RASA1: variants seen among roughly 807,000 people sequenced by gnomAD.
RASA1 encodes the protein RAS p21 protein activator 1, also known as ras GTPase-activating protein 1.
RASA1 carries 25 observed loss-of-function variants against 132.2 expected under a neutral mutation model. That is an observed-to-expected ratio of 0.19 (90% CI 0.14 to 0.26). The LOEUF (loss-of-function observed/expected upper bound fraction) is 0.26, where lower values mean the gene tolerates loss of function less well. Among genes scored for constraint, RASA1 ranks in the 10% least tolerant of loss-of-function variants. The pLI is 1.00. For synonymous variants in RASA1, 477 were observed against 449.9 expected, an observed-to-expected ratio of 1.06 and a Z score of -0.76; for missense variants, 964 against 1,299.2, an observed-to-expected ratio of 0.74 and a Z score of 3.97.
chr5:87,333,349 T>A lies in RASA1; in HGVS notation c.899+12T>A. Reference sequence around the variant, plus strand: ...ACTGATGAAATAAGGTATTTTATAATCTATTCTCATGTATAGGCATTTGAA... The same window carrying A: ...ACTGATGAAATAAGGTATTTTATAAACTATTCTCATGTATAGGCATTTGAA... On this transcript the variant is annotated intron_variant, in intron 4 of 24. Coordinates refer to ENST00000274376, the MANE Select transcript of RASA1 (RefSeq NM_002890.3). The A allele has an allele frequency of 1.2e-6, 2 of 1,612,702 alleles. No individual in the cohort carries two copies. Among genetic ancestry groups the A allele is most frequent in the Non-Finnish European group, 1.7e-6 (2 of 1,179,196 alleles).
At chr5:87,288,172 C>A (rs1353776532) in intron 1 of RASA1, among the ~76,000 whole-genome samples, 1 of 146,508 alleles carries the variant, frequency 6.8e-6, no homozygotes, top group Non-Finnish European at 1.5e-5. Context: ...TATATACACA[C>A]CATATATATA....
intron 15 of RASA1, 141 bp downstream of exon 15, chr5:87,375,057 TTAAAG>T (rs1366632020): frequency 3.4e-6 from 4 of 1,164,238 alleles, no homozygotes; most frequent in Non-Finnish European, 3.5e-6. Flanking sequence ...TCTGTACTTC[TTAAAG>T]TATTGATTAT....
chr5:87,377,203 T>A (rs899296384), intron 17 of RASA1, 163 bp downstream of exon 17: 1 of 870,720 alleles, frequency 1.1e-6, no homozygotes, highest in African/African-American at 1.7e-5. Flanking sequence ...TCAGTTCTGA[T>A]TATGTTGGTT....
At chr5:87,345,751 T>C (rs1758815046) in intron 6 of RASA1, among the ~76,000 whole-genome samples, 1 of 152,190 alleles carries the variant, frequency 6.6e-6, no homozygotes, top group Non-Finnish European at 1.5e-5. Flanking sequence ...ACTGGACTTT[T>C]GAGCACTTAT....
chr5:87,295,643 G>T (rs1450037594), intron 1 of RASA1, among the ~76,000 whole-genome samples: 2 of 151,796 alleles, frequency 1.3e-5, no homozygotes, highest in African/African-American at 4.8e-5. Flanking sequence ...TAGCTGGAAC[G>T]ATAGATGCAC....
chr5:87,287,447 A>G (rs1402451842), intron 1 of RASA1, among the ~76,000 whole-genome samples: 7 of 147,736 alleles, frequency 4.7e-5, no homozygotes, highest in African/African-American at 1.7e-4. Flanking sequence ...TATATACACC[A>G]TATATATACC....
intron 4 of RASA1, 49 bp from the exon 5 acceptor site, chr5:87,337,925 C>T (rs1580297722): frequency 2.0e-6 from 3 of 1,517,858 alleles, no homozygotes. Context: ...ATTCTAATCT[C>T]TGTATTTAAA....
intron 1 of RASA1, among the ~76,000 whole-genome samples, chr5:87,285,552 A>G (rs1485097823): frequency 6.6e-6 from 1 of 150,976 alleles, no homozygotes; most frequent in Non-Finnish European, 1.5e-5. Flanking sequence ...TTGTAATGCA[A>G]TTCTCTTCTT....
chr5:87,371,961 T>G (rs954501352), intron 12 of RASA1, among the ~76,000 whole-genome samples, 157 bp from the exon 13 acceptor site: 1 of 152,046 alleles, frequency 6.6e-6, no homozygotes, highest in Non-Finnish European at 1.5e-5. Flanking sequence ...GTTATTTTAT[T>G]ATTGGTTATT....
At position 87,380,755 on chromosome 5, in the gene RASA1, T is replaced by TTA. The variant is rs543667692; in HGVS notation, c.2690+161_2690+162dup. Reference sequence around the variant, plus strand: ...GTCCAGATGGCTCCTAAACTGAAAGTTACTGTGAGATTTAGCTGCCGTTTG... The same window carrying TTA: ...GTCCAGATGGCTCCTAAACTGAAAGTTATACTGTGAGATTTAGCTGCCGTTTG... On this transcript the variant is annotated intron_variant, in intron 20 of 24. Coordinates refer to ENST00000274376, the MANE Select transcript of RASA1 (RefSeq NM_002890.3). Among the ~76,000 whole-genome samples the TTA allele has an allele frequency of 2.0e-3, 310 of 152,334 alleles. 1 individual carries two copies. Among genetic ancestry groups the TTA allele is most frequent in the Admixed American group, 3.5e-3 (53 of 15,304 alleles).
At chr5:87,330,833 G>A (rs1757548444) in intron 1 of RASA1, 3 of 606,110 alleles carry the variant, frequency 4.9e-6, no homozygotes, top group Non-Finnish European at 7.4e-6. Flanking sequence ...TCAGCTTCAC[G>A]TTCAAACAGG....
rs757898803 is a variant in RASA1, at chr5:87,374,150, T to A, written c.1777-13T>A. The A allele has an allele frequency of 1.8e-4, 251 of 1,358,952 alleles. No individual in the cohort carries two copies. The highest frequency in any genetic ancestry group is 7.6e-4 in the African/African-American group (51 of 66,812). 84.2% of individuals were successfully genotyped at this position (1,358,952 alleles called of 1,614,324 possible). A position where few individuals can be genotyped will look rare whatever the true frequency, so the allele number is the denominator to read the frequency against. ...CTGGGGTAATATATATATATATATTTTTTTTTTTTTAGGTCAGCAGCCTTG... is the reference window on the plus strand; with the variant it reads ...CTGGGGTAATATATATATATATATTATTTTTTTTTTAGGTCAGCAGCCTTG... On this transcript the variant is annotated splice_polypyrimidine_tract_variant and intron_variant, in intron 13 of 24. Coordinates refer to ENST00000274376, the MANE Select transcript of RASA1 (RefSeq NM_002890.3).
intron 20 of RASA1, 96 bp downstream of exon 20, chr5:87,380,691 T>TGAA (rs1761648435): frequency 8.4e-7 from 1 of 1,185,152 alleles, no homozygotes; most frequent in Admixed American, 1.7e-5. Context: ...TGCTTTTTTC[T>TGAA]TTGGCTTTTA....
chr5:87,385,849 A>G lies in RASA1; in HGVS notation c.2847+460A>G, dbSNP rs189351970. ...CCTAATACGTGACAGACTTCTTGCC[A>G]TATGTGGAAATAGATAACTCTTTCA... On this transcript the variant is annotated intron_variant, in intron 22 of 24. Transcript: ENST00000274376. Among the ~76,000 whole-genome samples the G allele has an allele frequency of 4.6e-4, 70 of 152,174 alleles. No homozygotes were observed. The East Asian group carries it at 0.013, about 28-fold the overall frequency.
rs1050788460 is a variant in RASA1 at position 87,391,414 on chromosome 5, A to G, written c.*531A>G. 2 of 249,168 alleles carry G rather than the reference A, an allele frequency of 8.0e-6. No individual in the cohort carries two copies. The highest frequency in any genetic ancestry group is 4.4e-5 in the African/African-American group (2 of 45,560). 15.4% of individuals were successfully genotyped at this position (249,168 alleles called of 1,614,324 possible). A position where few individuals can be genotyped will look rare whatever the true frequency, so the allele number is the denominator to read the frequency against. On this transcript the variant is annotated 3_prime_UTR_variant, in exon 25 of 25. Transcript: ENST00000274376. Reference sequence around the variant, plus strand: ...CAGAGTTTGTCATTATAATAGGAACAATCTTTGCTGTATACTTTTAAAAAA... The same window carrying G: ...CAGAGTTTGTCATTATAATAGGAACGATCTTTGCTGTATACTTTTAAAAAA...
intron 4 of RASA1, among the ~76,000 whole-genome samples, chr5:87,336,964 C>A (rs1758019139): frequency 6.6e-6 from 1 of 151,954 alleles, no homozygotes; most frequent in Non-Finnish European, 1.5e-5. Flanking sequence ...TACAATGAAG[C>A]TTGAGATAGC....
chr5:87,319,352 C>T (rs928996685), intron 1 of RASA1, among the ~76,000 whole-genome samples: 5 of 152,204 alleles, frequency 3.3e-5, no homozygotes, highest in African/African-American at 1.2e-4. Context: ...TCTGCACTGC[C>T]CTAGTAGAGG....
intron 1 of RASA1, among the ~76,000 whole-genome samples, chr5:87,273,887 G>A (rs1341422174): frequency 2.6e-5 from 4 of 151,916 alleles, no homozygotes; most frequent in Admixed American, 1.3e-4. Flanking sequence ...TAGTAGAGAC[G>A]GGGTTTCACT....
chr5:87,368,985 A>G (rs1441013203), intron 11 of RASA1, among the ~76,000 whole-genome samples: 1 of 152,178 alleles, frequency 6.6e-6, no homozygotes, highest in Admixed American at 6.5e-5. Flanking sequence ...CCTATTTTCC[A>G]TGATTACTTT....
Sources: allele counts gnomAD v4.1 joint callset (sites outside exome capture counted in the v4.1 genomes callset), GRCh38; gene constraint gnomAD v4.1.1; transcripts MANE v1.5; gene names NCBI Gene and HGNC (gene_info 2026-07-23, HGNC 2026-07-21).